Variants in TMLHE observed in about 807,000 individuals in gnomAD.
TMLHE encodes the protein trimethyllysine dioxygenase, mitochondrial.
TMLHE carries 18 observed loss-of-function variants against 25.7 expected under a neutral mutation model. The ratio of observed to expected loss-of-function variants is 0.70; its 90% CI spans 0.48 to 1.04. The LOEUF (loss-of-function observed/expected upper bound fraction) is 1.04. Ranked by LOEUF, TMLHE falls within the 50% of genes least tolerant of loss-of-function variation. TMLHE has a pLI of 0.00. For missense variants in TMLHE, 236 were observed against 259.0 expected (o/e 0.91, Z 0.61); for synonymous variants, 105 against 97.0 (o/e 1.08, Z -0.49).
intron 1 of TMLHE, among the ~76,000 whole-genome samples, chrX:155,588,588 A>G (rs1265223244): frequency 9.0e-6 from 1 of 111,637 alleles, no homozygotes; most frequent in Non-Finnish European, 1.9e-5. Context: ...TTATTCATCC[A>G]ACAAGGGACT....
At chrX:155,527,502 C>A (rs959832949) in intron 2 of TMLHE, among the ~76,000 whole-genome samples, 1 of 111,560 alleles carries the variant, frequency 9.0e-6, no homozygotes, top group African/African-American at 3.3e-5. Context: ...AGTGTGAGAA[C>A]AGGCTAATAC....
intron 1 of TMLHE, among the ~76,000 whole-genome samples, chrX:155,556,769 A>T (rs1327437118): frequency 1.8e-5 from 2 of 110,758 alleles, no homozygotes; most frequent in African/African-American, 6.6e-5. Context: ...CCTCTTCCTA[A>T]TAAGCCTGGG....
At chrX:155,548,738 A>AT (rs1217931032) in intron 1 of TMLHE, among the ~76,000 whole-genome samples, 1 of 110,035 alleles carries the variant, frequency 9.1e-6, no homozygotes, top group Non-Finnish European at 1.9e-5. Flanking sequence ...CTGTCTCAAA[A>AT]AAAAAAAAGA....
rs782032925 is a variant in TMLHE, at chrX:155,547,964, C to A, written c.-1-2687G>T. Among the ~76,000 whole-genome samples, 17 of 111,206 alleles carry A rather than the reference C, an allele frequency of 1.5e-4. No homozygotes were observed. In the South Asian group the frequency reaches 5.7e-3, roughly 38 times the overall value. ...AATGGTAGAAAACAAAGTCTCTCCT[C>A]CCCCATTTCCCATAATCTCACTACT... On this transcript the variant is annotated intron_variant, in intron 1 of 7. Coordinates refer to ENST00000334398, the MANE Select transcript of TMLHE (RefSeq NM_018196.4).
intron 2 of TMLHE, among the ~76,000 whole-genome samples, chrX:155,541,528 T>A (rs1908282859): frequency 8.9e-6 from 1 of 111,749 alleles, no homozygotes; most frequent in Admixed American, 9.5e-5. Flanking sequence ...GTCTTTATAG[T>A]AGAATGATTT....
At chrX:155,504,831 C>G (rs1477971980) in intron 6 of TMLHE, among the ~76,000 whole-genome samples, 2 of 111,338 alleles carry the variant, frequency 1.8e-5, no homozygotes, top group Non-Finnish European at 3.8e-5. Context: ...AGGCAAAAAT[C>G]TAATCTATAG....
At chrX:155,554,418 G>A (rs1374572361) in intron 1 of TMLHE, among the ~76,000 whole-genome samples, 1 of 110,707 alleles carries the variant, frequency 9.0e-6, no homozygotes, top group Non-Finnish European at 1.9e-5. Context: ...TAAAATTTTA[G>A]GTTGACAGTT....
intron 2 of TMLHE, among the ~76,000 whole-genome samples, chrX:155,533,088 C>T (rs1230140846): frequency 1.8e-5 from 2 of 111,362 alleles, no homozygotes; most frequent in Non-Finnish European, 3.8e-5. Flanking sequence ...GAGTACATTG[C>T]CTTCTGCAAT....
At chrX:155,611,247 A>G (rs1221596387) in intron 1 of TMLHE, among the ~76,000 whole-genome samples, 1 of 111,109 alleles carries the variant, frequency 9.0e-6, no homozygotes, top group Non-Finnish European at 1.9e-5. Flanking sequence ...TGGCAGGTGC[A>G]TGTACAGCCC....
At chrX:155,612,134 ACATT>A (rs1557348406) in intron 1 of TMLHE, 1 of 111,931 alleles carries the variant, frequency 8.9e-6, no homozygotes, top group African/African-American at 3.2e-5. Flanking sequence ...TTCAGAGTTG[ACATT>A]CAATTAATGG....
At chrX:155,534,343 C>T (rs2067266269) in intron 2 of TMLHE, among the ~76,000 whole-genome samples, 1 of 111,289 alleles carries the variant, frequency 9.0e-6, no homozygotes, top group Admixed American at 9.5e-5. Flanking sequence ...AAGCGATTCT[C>T]CTGCCTTCGT....
chrX:155,533,931 T>C (rs1342474577), intron 2 of TMLHE, among the ~76,000 whole-genome samples: 3 of 111,595 alleles, frequency 2.7e-5, no homozygotes, highest in Non-Finnish European at 5.7e-5. Context: ...CTTAAAAGAT[T>C]TAGAAAATTC....
In TMLHE at chrX:155,563,771, A is replaced by G. The variant is rs782235472; in HGVS notation, c.-1-18494T>C. Among the ~76,000 whole-genome samples the G allele has an allele frequency of 4.9e-5, 3 of 61,824 alleles. 1 individual carries two copies. The highest frequency in any genetic ancestry group is 1.4e-4 in the Non-Finnish European group (3 of 22,078). 53.7% of individuals were successfully genotyped at this position (61,824 alleles called of 115,157 possible). On this transcript the variant is annotated intron_variant, in intron 1 of 7. Transcript: ENST00000334398. ...AGTCAGGAGACTGGATGAGACTACC[A>G]AAGGAATTGGTATAGACAGAGAAAA...
intron 1 of TMLHE, among the ~76,000 whole-genome samples, chrX:155,603,838 T>C (rs1557347598): frequency 1.8e-5 from 2 of 111,891 alleles, no homozygotes; most frequent in African/African-American, 3.2e-5. Context: ...AGGAAAACCT[T>C]CATGATATTG....
chrX:155,514,353 C>A, intron 3 of TMLHE, 88 bp from the exon 4 acceptor site: 1 of 974,315 alleles, frequency 1.0e-6, no homozygotes, highest in Non-Finnish European at 1.4e-6. Context: ...GAATCTTTTT[C>A]CTAGCAATCA....
At chrX:155,518,645 G>A (rs2067172901) in intron 3 of TMLHE, among the ~76,000 whole-genome samples, 1 of 84,698 alleles carries the variant, frequency 1.2e-5, no homozygotes, top group African/African-American at 3.6e-5. Flanking sequence ...GAATCCATCT[G>A]GTCCTGGACT....
At chrX:155,604,637 A>G (rs903577017) in intron 1 of TMLHE, among the ~76,000 whole-genome samples, 1 of 111,383 alleles carries the variant, frequency 9.0e-6, no homozygotes, top group East Asian at 2.8e-4. Flanking sequence ...CTCTGCAGCC[A>G]GCACTCAAGT....
intron 1 of TMLHE, among the ~76,000 whole-genome samples, chrX:155,574,469 T>C (rs782418357): frequency 8.9e-6 from 1 of 112,198 alleles, no homozygotes; most frequent in South Asian, 3.7e-4. Flanking sequence ...AAGATTTTAA[T>C]TGCAATCTCT....
rs1482894652 is a variant in TMLHE, at chrX:155,549,434, C to A, written c.-1-4157G>T. Among the ~76,000 whole-genome samples the A allele has an allele frequency of 1.1e-4, 12 of 110,110 alleles. 1 individual carries two copies. The highest frequency in any genetic ancestry group is 1.7e-4 in the Non-Finnish European group (9 of 52,918). ...TTCCTAGTTTTCTGAGAGTATTTAT[C>A]AGGAATATGACTTGAATTTTAGTAA... is the stretch of plus-strand genomic sequence containing the variant. On this transcript the variant is annotated intron_variant, in intron 1 of 7. Coordinates refer to ENST00000334398, the MANE Select transcript of TMLHE (RefSeq NM_018196.4).
Sources: gnomAD v4.1 joint callset for allele counts (sites outside exome capture counted in the v4.1 genomes callset) on GRCh38, gnomAD v4.1.1 for gene constraint, MANE v1.5 for transcripts, NCBI Gene and HGNC (gene_info 2026-07-23, HGNC 2026-07-21) for gene names.